The following LIMS1 variants were observed in gnomAD, a reference collection of about 807,000 sequenced individuals.
LIMS1 encodes LIM zinc finger domain containing 1.
LIMS1 carries 18 observed loss-of-function variants against 44.1 expected under a neutral mutation model. The ratio of observed to expected loss-of-function variants is 0.41; its 90% CI spans 0.28 to 0.61. The LOEUF is 0.61. Ranked by LOEUF, LIMS1 falls within the 20% of genes least tolerant of loss-of-function variation. The pLI is 0.32. For missense variants in LIMS1, 201 were observed against 422.0 expected (o/e 0.48, Z 4.59); for synonymous variants, 93 against 149.1 (o/e 0.62, Z 2.74).
rs76893069 is a variant in LIMS1, at chr2:108,637,485, A to G, written c.33-22120A>G. Reference sequence around the variant, plus strand: ...TAGCCTTGACTGAGTCAGAACTAAAATAAGGGTGTTATTTAGAGCCAGATA... The same window carrying G: ...TAGCCTTGACTGAGTCAGAACTAAAGTAAGGGTGTTATTTAGAGCCAGATA... On this transcript the variant is annotated intron_variant, in intron 1 of 9. Transcript: ENST00000544547. 1.6e-4 allele frequency among the ~76,000 whole-genome samples: 24 copies of G among 152,306 alleles called. No homozygotes were observed. The East Asian group carries it at 4.6e-3, about 29-fold the overall frequency.
chr2:108,551,951 G>GTATATA lies in LIMS1; in HGVS notation c.32+17358_32+17359insATATAT, dbSNP rs1236593437. Reference sequence around the variant, plus strand: ...TATATGTGTGTGTGTGTGTGTGTGTGTGTATATATATATATATATATGTAT... The same window carrying GTATATA: ...TATATGTGTGTGTGTGTGTGTGTGTGTATATATGTATATATATATATATATATGTAT... On this transcript the variant is annotated intron_variant, in intron 1 of 9. Transcript: ENST00000544547. 6.4e-3 allele frequency among the ~76,000 whole-genome samples: 826 copies of GTATATA among 128,284 alleles called. 1 individual carries two copies. The highest frequency in any genetic ancestry group is 8.6e-3 in the Non-Finnish European group (542 of 62,810). 84.2% of individuals were successfully genotyped at this position (128,284 alleles called of 152,430 possible). A position where few individuals can be genotyped will look rare whatever the true frequency, so the allele number is the denominator to read the frequency against.
chr2:108,594,037 G>A (rs970287249), intron 1 of LIMS1, among the ~76,000 whole-genome samples: 3 of 152,118 alleles, frequency 2.0e-5, no homozygotes, highest in African/African-American at 7.2e-5. Context: ...CAATAGCAGT[G>A]AGCTACTGGT....
chr2:108,568,633 A>C (rs1386798209), intron 1 of LIMS1, among the ~76,000 whole-genome samples: 1 of 152,220 alleles, frequency 6.6e-6, no homozygotes, highest in East Asian at 1.9e-4. Flanking sequence ...ACACCATTTT[A>C]CACCAACAAC....
chr2:108,583,700 C>CTTTTTTTTTTTTTT (rs759827869), intron 1 of LIMS1, among the ~76,000 whole-genome samples: 12 of 129,866 alleles, frequency 9.2e-5, no homozygotes, highest in East Asian at 2.5e-4. Flanking sequence ...GTTGCTGTTT[C>CTTTTTTTTTTTTTT]TTTTTTTTTT....
At chr2:108,621,466 G>A in intron 1 of LIMS1, 1 of 1,548,056 alleles carries the variant, frequency 6.5e-7, no homozygotes, top group Non-Finnish European at 8.7e-7. Flanking sequence ...GCTAAGGTGA[G>A]TGCAAAGTCA....
intron 1 of LIMS1, among the ~76,000 whole-genome samples, chr2:108,544,201 A>G (rs1047534766): frequency 5.3e-4 from 81 of 152,344 alleles, no homozygotes; most frequent in African/African-American, 1.9e-3. Flanking sequence ...CTTAGCAGGT[A>G]GAGGTGTATT....
chr2:108,579,464 A>G (rs1365414329), intron 1 of LIMS1, among the ~76,000 whole-genome samples: 2 of 152,226 alleles, frequency 1.3e-5, no homozygotes, highest in Non-Finnish European at 2.9e-5. Flanking sequence ...TGTAATACAC[A>G]AGAGTGCAAA....
chr2:108,638,975 G>A (rs1364991378), intron 1 of LIMS1, among the ~76,000 whole-genome samples: 2 of 152,082 alleles, frequency 1.3e-5, no homozygotes, highest in Non-Finnish European at 2.9e-5. Context: ...CCCGGGAGGC[G>A]GAGCCTGCAG....
chr2:108,632,662 G>C (rs748818281), intron 1 of LIMS1, among the ~76,000 whole-genome samples: 3 of 152,202 alleles, frequency 2.0e-5, no homozygotes, highest in Non-Finnish European at 4.4e-5. Flanking sequence ...CTTTGAAAAT[G>C]TAAGAGGGAA....
chr2:108,542,386 A>G (rs1490143343), intron 1 of LIMS1, among the ~76,000 whole-genome samples: 2 of 152,208 alleles, frequency 1.3e-5, no homozygotes, highest in Non-Finnish European at 2.9e-5. Flanking sequence ...TTACCATCAC[A>G]GCCACACCAC....
At chr2:108,541,350 G>C (rs779130614) in intron 1 of LIMS1, among the ~76,000 whole-genome samples, 21 of 152,244 alleles carry the variant, frequency 1.4e-4, no homozygotes, top group South Asian at 8.3e-4. Flanking sequence ...AATACAGTGA[G>C]GAAGGGAGGG....
intron 2 of LIMS1, among the ~76,000 whole-genome samples, chr2:108,669,348 C>T (rs1692004887): frequency 6.6e-6 from 1 of 151,688 alleles, no homozygotes; most frequent in African/African-American, 2.4e-5. Context: ...GCAGAGGTTA[C>T]AGTGAGCCAA....
intron 2 of LIMS1, among the ~76,000 whole-genome samples, chr2:108,665,537 T>G (rs1691690658): frequency 6.6e-6 from 1 of 151,896 alleles, no homozygotes; most frequent in South Asian, 2.1e-4. Context: ...TATTTATTTA[T>G]TTTTTTTGAG....
chr2:108,629,423 CATA>C (rs58675682), intron 1 of LIMS1, among the ~76,000 whole-genome samples: 51,219 of 151,922 alleles, frequency 0.34, 11,229 homozygotes, highest in East Asian at 0.88. Flanking sequence ...AACTTTCACT[CATA>C]ATAGAAATAG....
intron 1 of LIMS1, among the ~76,000 whole-genome samples, chr2:108,618,332 A>C (rs1688039859): frequency 6.6e-6 from 1 of 152,202 alleles, no homozygotes; most frequent in African/African-American, 2.4e-5. Flanking sequence ...ATTCAGGCAT[A>C]ATTAATAATT....
intron 1 of LIMS1, among the ~76,000 whole-genome samples, chr2:108,535,183 A>G (rs1041520942): frequency 3.3e-5 from 5 of 152,206 alleles, no homozygotes; most frequent in African/African-American, 1.2e-4. Flanking sequence ...ACGTTCTCCC[A>G]TCTCCTTTGC....
At chr2:108,631,321 T>C (rs1416090572) in intron 1 of LIMS1, among the ~76,000 whole-genome samples, 1 of 152,224 alleles carries the variant, frequency 6.6e-6, no homozygotes, top group East Asian at 1.9e-4. Context: ...CTGGGTCCAG[T>C]GTCTTGAATA....
intron 1 of LIMS1, among the ~76,000 whole-genome samples, chr2:108,618,054 A>C (rs2148866411): frequency 6.6e-6 from 1 of 152,332 alleles, no homozygotes; most frequent in East Asian, 1.9e-4. Context: ...TTTCCCCATC[A>C]CTGCAAGTGT....
At chr2:108,623,218 AT>A (rs5833296) in intron 1 of LIMS1, among the ~76,000 whole-genome samples, 4 of 59,634 alleles carry the variant, frequency 6.7e-5, no homozygotes, top group Admixed American at 3.0e-4. Context: ...TTATGCCTGG[AT>A]TTTTTTTTTA....
Sources: gnomAD v4.1 joint callset for allele counts (sites outside exome capture counted in the v4.1 genomes callset) on GRCh38, gnomAD v4.1.1 for gene constraint, MANE v1.5 for transcripts, NCBI Gene and HGNC (gene_info 2026-07-23, HGNC 2026-07-21) for gene names.